SALL1: variants seen among roughly 807,000 people sequenced by gnomAD.
SALL1 encodes sal-like protein 1.
A neutral mutation model predicts 73.1 loss-of-function variants in SALL1; 10 were observed. That is an observed-to-expected ratio of 0.14 (90% CI 0.08 to 0.23). The LOEUF (loss-of-function observed/expected upper bound fraction) is 0.23. Among genes scored for constraint, SALL1 ranks in the 10% least tolerant of loss-of-function variants. The probability of loss-of-function intolerance (pLI) is 1.00; values close to 1 mark genes in which losing one functional copy is unlikely to be tolerated. For synonymous variants in SALL1, 688 were observed against 689.8 expected, an observed-to-expected ratio of 1.00 and a Z score of 0.04; for missense variants, 1,520 against 1,697.3, an observed-to-expected ratio of 0.90 and a Z score of 1.84.
rs770636350 is a variant in SALL1, at chr16:51,137,235, C to T, written c.3852G>A (p.Arg1284=). 1.2e-6 allele frequency: 2 copies of T among 1,614,096 alleles called. No individual in the cohort carries two copies. Among genetic ancestry groups the T allele is most frequent in the Admixed American group, 1.7e-5 (1 of 60,016 alleles). The change falls in exon 3 of 3, where the codon AGG becomes AGA. Residue 1284 remains arginine (R), a synonymous_variant. Transcript: ENST00000251020. ...GAGCATTGGGCTCTGAGTTCTGGAG[C>T]CTCTCCAGGTTTCCCGTCAGCCCAC... ...PVSGLTGNLE[R]LQNSEPNAPL...
At chr16:51,150,499 C>G (rs570991441) in intron 1 of SALL1, 34 of 985,790 alleles carry the variant, frequency 3.4e-5, no homozygotes, top group Middle Eastern at 1.0e-3. Context: ...GAACAACTGG[C>G]GGCCAGCAGC....
Position 51,145,217 on chromosome 16 carries a change from TACACACAC to T in SALL1, c.77-3080_77-3073del, listed in dbSNP as rs3037183. On this transcript the variant is annotated intron_variant, in intron 1 of 2. Transcript: ENST00000251020. ...ACACATTCTCTCTCTCACACACACATACACACACACACACACACACACACACGTACACA... is the reference window on the plus strand; with the variant it reads ...ACACATTCTCTCTCTCACACACACATACACACACACACACACACGTACACA... 4.2e-3 allele frequency among the ~76,000 whole-genome samples: 626 copies of T among 149,966 alleles called. 3 individuals carry two copies. Among genetic ancestry groups the T allele is most frequent in the African/African-American group, 0.014 (573 of 40,922 alleles).
upstream of SALL1, among the ~76,000 whole-genome samples, chr16:51,151,753 C>A (rs972516338): frequency 1.3e-4 from 20 of 151,756 alleles, 1 homozygote; most frequent in Middle Eastern, 6.9e-3. Context: ...CGCCCCCCCC[C>A]ACAATCCCGG....
chr16:51,142,460 T>C (rs1962459214), intron 1 of SALL1, among the ~76,000 whole-genome samples: 1 of 152,210 alleles, frequency 6.6e-6, no homozygotes. Flanking sequence ...TTTATACACC[T>C]TATTGTCTAC....
rs1962396823 is a variant in SALL1, at chr16:51,140,255, G to A, written c.1967C>T (p.Thr656Ile). The stretch of plus-strand genomic sequence containing the variant: ...CGGCAACAAAGGGTTGGTGAAGGTG[G>A]TGGCACTGCCCGCGGGGCCGCAGTC... ...AADCGPAGSATTFTNPLLPLM... is the reference protein window; with the variant it reads ...AADCGPAGSAITFTNPLLPLM... Residue 656 changes from threonine to isoleucine, a missense_variant, in exon 2 of 3, where the codon ACC becomes ATC. This residue lies in a region of SALL1 where 276 missense variants were observed against 259.1 expected (regional missense o/e 1.07). Coordinates refer to ENST00000251020, the MANE Select transcript of SALL1 (RefSeq NM_002968.3). The surrounding 1 kb of genome is among the most constrained non-coding windows in gnomAD (Gnocchi z 5.7). The A allele has an allele frequency of 1.2e-6, 2 of 1,614,186 alleles. No individual in the cohort carries two copies. The highest frequency in any genetic ancestry group is 1.7e-6 in the Non-Finnish European group (2 of 1,180,052).
chr16:51,151,747 C>T (rs1011251978), upstream of SALL1, among the ~76,000 whole-genome samples: 2 of 151,694 alleles, frequency 1.3e-5, no homozygotes, highest in Non-Finnish European at 2.9e-5. Flanking sequence ...CTCCTTCGCC[C>T]CCCCCCACAA....
rs759771094 is a variant in SALL1 at position 51,141,166 on chromosome 16, G to A, written c.1056C>T (p.Ser352=). 12 of 1,614,214 alleles carry A rather than the reference G, an allele frequency of 7.4e-6. No individual in the cohort carries two copies. The highest frequency in any genetic ancestry group is 9.3e-6 in the Non-Finnish European group (11 of 1,180,044). Residue 352 remains serine (S), a synonymous_variant, in exon 2 of 3, where the codon TCC becomes TCT. Transcript: ENST00000251020. The surrounding 1 kb of genome is among the most constrained non-coding windows in gnomAD (Gnocchi z 5.4). ...NILAAAVTTP[S]SEKVASSAGA... ...CAGCACTTGAAGCCACTTTTTCAGA[G>A]GACGGGGTGGTAACTGCCGCTGCCA...
rs764750689 is a variant in SALL1 at position 51,139,603 on chromosome 16, GATC to G, written c.2616_2618del (p.Met872del). 1.2e-6 allele frequency: 2 copies of G among 1,613,766 alleles called. No individual in the cohort carries two copies. Among genetic ancestry groups the G allele is most frequent in the South Asian group, 2.2e-5 (2 of 91,072 alleles). ...GTAGCTGCTCTGCCAGGCCAGCATT[GATC>G]ATCTTCATCTGATTTTCCAAAGCAG... On this transcript the variant is annotated inframe_deletion, in exon 2 of 3. Transcript: ENST00000251020.
Position 51,139,117 on chromosome 16 carries a change from A to G in SALL1, c.3105T>C (p.Asn1035=). 6.2e-7 allele frequency: 1 copy of G among 1,614,220 alleles called. No homozygotes were observed. Among genetic ancestry groups the G allele is most frequent in the Non-Finnish European group, 8.5e-7 (1 of 1,180,026 alleles). Reference sequence around the variant, plus strand: ...AATTACCCTTTGTGGAAAAGCCACGATTGCAAACTGTGCAAATAAATGGTC... The same window carrying G: ...AATTACCCTTTGTGGAAAAGCCACGGTTGCAAACTGTGCAAATAAATGGTC... ...KERPFICTVC[N]RGFSTKGNLK... The change falls in exon 2 of 3, where the codon AAT becomes AAC. Residue 1035 remains asparagine (N), a synonymous_variant. Transcript: ENST00000251020.
intron 1 of SALL1, among the ~76,000 whole-genome samples, chr16:51,150,151 G>A (rs988449361): frequency 6.6e-6 from 1 of 152,164 alleles, no homozygotes; most frequent in African/African-American, 2.4e-5. Flanking sequence ...TCCCTGCCCG[G>A]ATCTCTTCCA....
In SALL1 at chr16:51,139,333, G is replaced by A. The variant is rs919695834; in HGVS notation, c.2889C>T (p.Thr963=). Residue 963 remains threonine, a synonymous_variant, in exon 2 of 3, where the codon ACC becomes ACT. Transcript: ENST00000251020. ...PSEFANGLSP[T]PVNGGALDLT... ...AATCCAAAGCCCCACCATTCACTGG[G>A]GTGGGAGACAAACCATTGGCAAACT... The A allele has an allele frequency of 1.7e-5, 27 of 1,613,956 alleles. No homozygotes were observed. The highest frequency in any genetic ancestry group is 5.3e-5 in the African/African-American group (4 of 74,902).
upstream of SALL1, among the ~76,000 whole-genome samples, chr16:51,151,670 T>C (rs1165724540): frequency 6.0e-5 from 9 of 149,296 alleles, no homozygotes; most frequent in African/African-American, 2.0e-4. Context: ...CGGCCTCCTC[T>C]CCACTGCGGG....
rs267604569 is a variant in SALL1 at position 51,137,458 on chromosome 16, G to A, written c.3629C>T (p.Pro1210Leu). Reference sequence around the variant, plus strand: ...CTGGAACATTTCTGGGAACTTGACGGGATTGCCTCCTAGAAATGTCATGGG... The same window carrying A: ...CTGGAACATTTCTGGGAACTTGACGAGATTGCCTCCTAGAAATGTCATGGG... Reference protein sequence around the residue: ...DGPMTFLGGNPVKFPEMFQKD... With the variant: ...DGPMTFLGGNLVKFPEMFQKD... The change falls in exon 3 of 3, where the codon CCC (proline) becomes CTC (leucine). Residue 1210 changes from proline to leucine, a missense_variant. By Grantham distance (98) the Pro-to-Leu change is moderately conservative (BLOSUM62 -3). Coordinates refer to ENST00000251020, the MANE Select transcript of SALL1 (RefSeq NM_002968.3). 1 of 1,613,992 alleles carries A rather than the reference G, an allele frequency of 6.2e-7. No individual in the cohort carries two copies. Among genetic ancestry groups the A allele is most frequent in the Non-Finnish European group, 8.5e-7 (1 of 1,179,986 alleles).
chr16:51,151,935 G>C (rs928214290), upstream of SALL1, among the ~76,000 whole-genome samples: 9 of 151,616 alleles, frequency 5.9e-5, no homozygotes, highest in Non-Finnish European at 1.2e-4. Flanking sequence ...GCGGGATCAG[G>C]GGGGAGGGCG....
chr16:51,136,862 G>C lies in SALL1; in HGVS notation c.*250C>G. 1.9e-6 allele frequency: 1 copy of C among 520,334 alleles called. No homozygotes were observed. Among genetic ancestry groups the C allele is most frequent in the Non-Finnish European group, 3.5e-6 (1 of 289,580 alleles). The allele number at this position is 520,334 out of a possible 1,614,324, so 32.2% of individuals were successfully genotyped here. A position where few individuals can be genotyped will look rare whatever the true frequency, so the allele number is the denominator to read the frequency against. Reference sequence around the variant, plus strand: ...CAGCACTCTAGTCAATTAGTATTTAGTCCAAAATACAGAAGACCAAAGTTA... The same window carrying C: ...CAGCACTCTAGTCAATTAGTATTTACTCCAAAATACAGAAGACCAAAGTTA... On this transcript the variant is annotated 3_prime_UTR_variant, in exon 3 of 3. Transcript: ENST00000251020.
Position 51,141,278 on chromosome 16 carries a change from T to C in SALL1, c.944A>G (p.Gln315Arg). ...SQSASISGVK[Q>R]LPPIQLPQSS... ...CTGAGGTAGCTGGATTGGGGGTAGC[T>C]GTTTCACACCACTAATGCTGGCAGA... The change falls in exon 2 of 3, where the codon CAG becomes CGG. Residue 315 changes from glutamine to arginine, a missense_variant. Gln to Arg is a conservative substitution (Grantham distance 43). Transcript: ENST00000251020. The surrounding 1 kb of genome is among the most constrained non-coding windows in gnomAD (Gnocchi z 5.4). 1.2e-6 allele frequency: 2 copies of C among 1,614,120 alleles called. No homozygotes were observed. The highest frequency in any genetic ancestry group is 1.7e-6 in the Non-Finnish European group (2 of 1,180,036).
chr16:51,138,856 C>A lies in SALL1; in HGVS notation c.3366G>T (p.Leu1122=). 6.2e-7 allele frequency: 1 copy of A among 1,614,194 alleles called. No homozygotes were observed. The highest frequency in any genetic ancestry group is 8.5e-7 in the Non-Finnish European group (1 of 1,180,042). The change falls in exon 2 of 3, where the codon CTG becomes CTT. Residue 1122 remains leucine (L), a synonymous_variant. Coordinates refer to ENST00000251020, the MANE Select transcript of SALL1 (RefSeq NM_002968.3). ...PLSSSATSPV[L]LPALPRRTPK... ...GAGTTCTCCTGGGCAGAGCAGGGAG[C>A]AGAACTGGGGATGTGGCAGAGGAAG...
chr16:51,141,438 C>T lies in SALL1; in HGVS notation c.784G>A (p.Ala262Thr). The T allele has an allele frequency of 1.9e-6, 3 of 1,614,170 alleles. No individual in the cohort carries two copies. Among genetic ancestry groups the T allele is most frequent in the Non-Finnish European group, 2.5e-6 (3 of 1,180,038 alleles). ...GGACTAGAAGATGTTGGCAAGTCTGCATTCTGAGAAGCCAACAGCAATATT... is the reference window on the plus strand; with the variant it reads ...GGACTAGAAGATGTTGGCAAGTCTGTATTCTGAGAAGCCAACAGCAATATT... ...HQILLLASQNADLPTSSSPSQ... is the reference protein window; with the variant it reads ...HQILLLASQNTDLPTSSSPSQ... The change falls in exon 2 of 3, where the codon GCA (alanine) becomes ACA (threonine). Residue 262 changes from alanine (A) to threonine (T), a missense_variant. Ala to Thr is a moderately conservative substitution (Grantham distance 58). This residue lies in a region of SALL1 where 540 missense variants were observed against 567.5 expected (regional missense o/e 0.95). Transcript: ENST00000251020. The surrounding 1 kb of genome is among the most constrained non-coding windows in gnomAD (Gnocchi z 5.4).
chr16:51,137,600 A>T, intron 2 of SALL1, 48 bp from the exon 3 acceptor site: 3 of 1,437,122 alleles, frequency 2.1e-6, no homozygotes, highest in Non-Finnish European at 2.9e-6. Context: ...GAGAGAGAAA[A>T]AAAAGAGGAG....
Sources: gnomAD v4.1 joint callset for allele counts (sites outside exome capture counted in the v4.1 genomes callset) on GRCh38, gnomAD v4.1.1 for gene constraint, gnomAD v4.1.1 regional missense constraint, Gnocchi (gnomAD v3.1) non-coding constraint, MANE v1.5 for transcripts, NCBI Gene and HGNC (gene_info 2026-07-23, HGNC 2026-07-21) for gene names.